Variants in DCBLD2 observed in about 807,000 individuals in gnomAD.
DCBLD2 encodes discoidin, CUB and LCCL domain-containing protein 2.
Under a neutral mutation model 86.8 loss-of-function variants are expected in DCBLD2, and 54 were observed. The ratio of observed to expected loss-of-function variants is 0.62; its 90% CI spans 0.50 to 0.78. The LOEUF is 0.78. DCBLD2 is among the 30% of genes least tolerant of loss of function. The pLI is 0.00. For synonymous variants in DCBLD2, 354 were observed against 341.3 expected, an observed-to-expected ratio of 1.04 and a Z score of -0.41; for missense variants, 908 against 954.2, an observed-to-expected ratio of 0.95 and a Z score of 0.64.
At position 98,811,229 on chromosome 3, in the gene DCBLD2, A is replaced by G. The variant is rs758258524; in HGVS notation, c.1541T>C (p.Ile514Thr). 1 of 1,611,074 alleles carries G rather than the reference A, an allele frequency of 6.2e-7. No individual in the cohort carries two copies. Among genetic ancestry groups the G allele is most frequent in the Non-Finnish European group, 8.5e-7 (1 of 1,178,946 alleles). ...QTEQTTASPD[I>T]RNTTVTPNVT... Reference sequence around the variant, plus strand: ...ATTTGGAGTTACGGTAGTATTTCTGATATCAGGACTGGCAGTTGTTTGTTC... The same window carrying G: ...ATTTGGAGTTACGGTAGTATTTCTGGTATCAGGACTGGCAGTTGTTTGTTC... The change falls in exon 12 of 16, where the codon ATC (isoleucine) becomes ACC (threonine). Residue 514 changes from isoleucine (I) to threonine (T), a missense_variant. This residue lies in a region of DCBLD2 where 606 missense variants were observed against 678.5 expected (regional missense o/e 0.89). Transcript: ENST00000326840.
intron 2 of DCBLD2, among the ~76,000 whole-genome samples, chr3:98,862,947 G>C (rs1169742362): frequency 6.6e-6 from 1 of 152,184 alleles, no homozygotes; most frequent in African/African-American, 2.4e-5. Context: ...GTTTGCAGAT[G>C]ACATGATTGT....
chr3:98,856,382 A>C (rs1237615223), intron 2 of DCBLD2, among the ~76,000 whole-genome samples: 1 of 152,158 alleles, frequency 6.6e-6, no homozygotes, highest in Non-Finnish European at 1.5e-5. Flanking sequence ...AGAAGAAAAA[A>C]AAGAAAAAAC....
chr3:98,840,707 G>A (rs1942604919), intron 3 of DCBLD2, among the ~76,000 whole-genome samples: 1 of 152,032 alleles, frequency 6.6e-6, no homozygotes, highest in African/African-American at 2.4e-5. Flanking sequence ...TACCTTTCTG[G>A]TCTGGAACTC....
chr3:98,800,734 G>C lies in DCBLD2; in HGVS notation c.1721-18C>G, dbSNP rs577533749. 9 of 1,613,726 alleles carry C rather than the reference G, an allele frequency of 5.6e-6. No individual in the cohort carries two copies. In the Admixed American group the frequency reaches 1.5e-4, roughly 27 times the overall value. ...CCACCAACCTTCATTGTGACGGCAA[G>C]CCAAAGAGACCATTAAATAAAAACC... On this transcript the variant is annotated intron_variant, in intron 14 of 15. Coordinates refer to ENST00000326840, the MANE Select transcript of DCBLD2 (RefSeq NM_080927.4).
Position 98,822,374 on chromosome 3 carries a change from A to G in DCBLD2, c.697-13T>C, listed in dbSNP as rs771050550. 89 of 1,602,956 alleles carry G rather than the reference A, an allele frequency of 5.6e-5. No homozygotes were observed. The highest frequency in any genetic ancestry group is 3.3e-4 in the Middle Eastern group (2 of 6,028). On this transcript the variant is annotated splice_polypyrimidine_tract_variant and intron_variant, in intron 5 of 15. Coordinates refer to ENST00000326840, the MANE Select transcript of DCBLD2 (RefSeq NM_080927.4). Reference sequence around the variant, plus strand: ...ACAATGGCGAGGACTTAAGGAAGGGAAAAGAAAAGATTCATTTTTAATTTT... The same window carrying G: ...ACAATGGCGAGGACTTAAGGAAGGGGAAAGAAAAGATTCATTTTTAATTTT...
At chr3:98,843,187 G>A (rs567443172) in intron 3 of DCBLD2, among the ~76,000 whole-genome samples, 5 of 152,116 alleles carry the variant, frequency 3.3e-5, no homozygotes, top group East Asian at 1.9e-4. Flanking sequence ...ATTCTTCTGC[G>A]TGTTAATTAT....
chr3:98,901,285 C>G lies in DCBLD2; in HGVS notation c.42G>C (p.Gln14His), dbSNP rs1242363923. 5.9e-6 allele frequency: 9 copies of G among 1,524,780 alleles called. No homozygotes were observed. Among genetic ancestry groups the G allele is most frequent in the Non-Finnish European group, 6.1e-6 (7 of 1,142,036 alleles). 94.5% of individuals were successfully genotyped at this position (1,524,780 alleles called of 1,614,324 possible). A position where few individuals can be genotyped will look rare whatever the true frequency, so the allele number is the denominator to read the frequency against. ...RAVVRARRCPQCPQVRAAAAA... is the reference protein window; with the variant it reads ...RAVVRARRCPHCPQVRAAAAA... Reference sequence around the variant, plus strand: ...CGGCCGCGGCCCGGACTTGGGGACACTGCGGGCAGCGCCTGGCTCTCACCA... The same window carrying G: ...CGGCCGCGGCCCGGACTTGGGGACAGTGCGGGCAGCGCCTGGCTCTCACCA... Residue 14 changes from glutamine to histidine, a missense_variant, in exon 1 of 16, where the codon CAG becomes CAC. Physicochemically the swap from Gln to His is conservative, Grantham distance 24. Transcript: ENST00000326840.
rs548229921 is a variant in DCBLD2, at chr3:98,886,896, G to T, written c.206-5129C>A. On this transcript the variant is annotated intron_variant, in intron 1 of 15. Transcript: ENST00000326840. ...AATGATAATGAATTATTGCAACAAAGAATGCATGCTTTTTTAGGCTACTCT... is the reference window on the plus strand; with the variant it reads ...AATGATAATGAATTATTGCAACAAATAATGCATGCTTTTTTAGGCTACTCT... 3.7e-5 allele frequency among the ~76,000 whole-genome samples: 5 copies of T among 135,760 alleles called. No individual in the cohort carries two copies. The South Asian group carries it at 1.2e-3, about 33-fold the overall frequency. 89.1% of individuals were successfully genotyped at this position (135,760 alleles called of 152,430 possible).
intron 3 of DCBLD2, among the ~76,000 whole-genome samples, chr3:98,829,056 C>A (rs780382441): frequency 3.9e-5 from 6 of 152,058 alleles, no homozygotes; most frequent in Non-Finnish European, 5.9e-5. Flanking sequence ...AAGGAATTTC[C>A]TTTGGGGTGA....
chr3:98,868,002 A>C (rs1390212899), intron 2 of DCBLD2, among the ~76,000 whole-genome samples: 1 of 151,904 alleles, frequency 6.6e-6, no homozygotes, highest in Non-Finnish European at 1.5e-5. Context: ...ACGGGGTTTC[A>C]CCTTGTTAGC....
intron 1 of DCBLD2, among the ~76,000 whole-genome samples, chr3:98,887,187 C>CA (rs1449079504): frequency 7.8e-5 from 1 of 12,826 alleles, no homozygotes; most frequent in African/African-American, 1.2e-4. Flanking sequence ...AGTGAGTTTT[C>CA]AAGGTTTTTT....
At chr3:98,871,851 A>C (rs544222247) in intron 2 of DCBLD2, among the ~76,000 whole-genome samples, 1 of 152,308 alleles carries the variant, frequency 6.6e-6, no homozygotes, top group African/African-American at 2.4e-5. Flanking sequence ...TAGAATTGGC[A>C]TCAGTTCTTC....
At chr3:98,818,903 A>G (rs540220638) in intron 8 of DCBLD2, among the ~76,000 whole-genome samples, 1 of 152,258 alleles carries the variant, frequency 6.6e-6, no homozygotes, top group African/African-American at 2.4e-5. Context: ...CAGATGGCCT[A>G]CTGTGGGACT....
At chr3:98,826,885 C>A (rs1942232562) in intron 3 of DCBLD2, among the ~76,000 whole-genome samples, 1 of 151,980 alleles carries the variant, frequency 6.6e-6, no homozygotes, top group African/African-American at 2.4e-5. Context: ...GCCAATATAC[C>A]CTTGATGGAG....
At chr3:98,819,528 A>G in intron 7 of DCBLD2, 111 bp from the exon 8 acceptor site, 1 of 1,071,406 alleles carries the variant, frequency 9.3e-7, no homozygotes, top group Non-Finnish European at 1.4e-6. Flanking sequence ...CACTACACTA[A>G]TAATACACTG....
chr3:98,899,635 A>G (rs925721318), intron 1 of DCBLD2, among the ~76,000 whole-genome samples: 2 of 152,130 alleles, frequency 1.3e-5, no homozygotes, highest in Non-Finnish European at 2.9e-5. Context: ...ATTTTTTTTA[A>G]TAACATGATA....
At chr3:98,849,211 T>TA (rs1942786177) in intron 3 of DCBLD2, among the ~76,000 whole-genome samples, 1 of 151,862 alleles carries the variant, frequency 6.6e-6, no homozygotes, top group South Asian at 2.1e-4. Flanking sequence ...TCCAATCTTA[T>TA]AAAAATAAAA....
intron 9 of DCBLD2, chr3:98,815,907 T>TG (rs1387602514): frequency 6.6e-6 from 1 of 151,168 alleles, no homozygotes; most frequent in Non-Finnish European, 1.5e-5. Context: ...AATGGTAAGA[T>TG]ACCTTCAAGG....
chr3:98,881,086 C>G (rs1191701699), intron 2 of DCBLD2, among the ~76,000 whole-genome samples: 1 of 151,602 alleles, frequency 6.6e-6, no homozygotes, highest in Non-Finnish European at 1.5e-5. Context: ...GAAACCGTCT[C>G]TACTAAAAAT....
Sources: allele counts gnomAD v4.1 joint callset (sites outside exome capture counted in the v4.1 genomes callset), GRCh38; gene constraint gnomAD v4.1.1; regional missense constraint gnomAD v4.1.1; transcripts MANE v1.5; gene names NCBI Gene and HGNC (gene_info 2026-07-23, HGNC 2026-07-21).